Variants in CUBN observed in about 807,000 individuals in gnomAD.
CUBN encodes the protein cubilin.
Under a neutral mutation model 405.3 loss-of-function variants are expected in CUBN, and 282 were observed. The ratio of observed to expected loss-of-function variants is 0.70; its 90% CI spans 0.63 to 0.77. The LOEUF is 0.77. Ranked by LOEUF, CUBN falls within the 30% of genes least tolerant of loss-of-function variation. The pLI is 0.00. For synonymous variants in CUBN, 1,684 were observed against 1,617.0 expected (o/e 1.04, Z -0.99); for missense variants, 4,514 against 4,475.2 (o/e 1.01, Z -0.25).
intron 31 of CUBN, among the ~76,000 whole-genome samples, chr10:16,962,392 A>G (rs1843252536): frequency 6.6e-6 from 1 of 150,818 alleles, no homozygotes; most frequent in African/African-American, 2.4e-5. Context: ...GTCCAGAAAT[A>G]TGGGTAGGTA....
chr10:17,035,140 T>A (rs937712038), intron 27 of CUBN, among the ~76,000 whole-genome samples: 1 of 150,344 alleles, frequency 6.7e-6, no homozygotes, highest in African/African-American at 2.4e-5. Context: ...TCTAGAAAAT[T>A]GGCAAATTCT....
At chr10:16,908,286 T>C (rs1386473749) in intron 48 of CUBN, among the ~76,000 whole-genome samples, 2 of 151,892 alleles carry the variant, frequency 1.3e-5, no homozygotes, top group Non-Finnish European at 2.9e-5. Flanking sequence ...GCTGAGATTA[T>C]AGGCATGCAC....
At chr10:16,825,376 G>A (rs1171679401) in intron 66 of CUBN, among the ~76,000 whole-genome samples, 2 of 152,132 alleles carry the variant, frequency 1.3e-5, no homozygotes, top group Non-Finnish European at 2.9e-5. Flanking sequence ...TGGCCGCACA[G>A]CTCTGTGAAC....
intron 31 of CUBN, among the ~76,000 whole-genome samples, chr10:16,973,902 C>G (rs148121391): frequency 6.6e-6 from 1 of 152,314 alleles, no homozygotes; most frequent in African/African-American, 2.4e-5. Flanking sequence ...TGATGGGCAT[C>G]TAGGTTGATT....
chr10:17,040,918 A>G, intron 27 of CUBN, 115 bp downstream of exon 27: 1 of 934,604 alleles, frequency 1.1e-6, no homozygotes, highest in Non-Finnish European at 1.7e-6. Context: ...TTGGTGTGTT[A>G]TAGATGCGTG....
At chr10:16,864,657 CTTT>C (rs58100254) in intron 59 of CUBN, among the ~76,000 whole-genome samples, 1 of 121,448 alleles carries the variant, frequency 8.2e-6, no homozygotes, top group Admixed American at 1.1e-4. Flanking sequence ...TTTTTTCTTT[CTTT>C]TTTTTTTTTT....
Position 16,913,817 on chromosome 10 carries a change from A to G in CUBN, c.7527T>C (p.His2509=), listed in dbSNP as rs367600531. 4 of 1,613,416 alleles carry G rather than the reference A, an allele frequency of 2.5e-6. No homozygotes were observed. Among genetic ancestry groups the G allele is most frequent in the African/African-American group, 2.7e-5 (2 of 74,918 alleles). ...GGCGGCAGGGAACACTTACTATCAC[A>G]TGCTCATTGTTGCAGGACGGATGCG... ...LATHPSCNNE[H]VIVFNGIRSN... is the part of the protein sequence containing the mutation. The change falls in exon 48 of 67, where the codon CAT becomes CAC. Residue 2509 remains histidine (H), a synonymous_variant. Transcript: ENST00000377833.
Position 16,831,323 on chromosome 10 carries a change from T to C in CUBN, c.10457A>G (p.Tyr3486Cys). 2 of 1,613,646 alleles carry C rather than the reference T, an allele frequency of 1.2e-6. No individual in the cohort carries two copies. The highest frequency in any genetic ancestry group is 1.7e-6 in the Non-Finnish European group (2 of 1,179,550). Reference protein sequence around the residue: ...NPVFSQNNELYLRFKSDSVTS... With the variant: ...NPVFSQNNELCLRFKSDSVTS... ...TACACTATCACTCTTAAATCGTAGG[T>C]ATAGTTCATTATTTTGAGAGAAGAC... Residue 3486 changes from tyrosine to cysteine, a missense_variant, in exon 65 of 67, where the codon TAC becomes TGC. Coordinates refer to ENST00000377833, the MANE Select transcript of CUBN (RefSeq NM_001081.4).
At chr10:17,099,009 C>T (rs1554819093) in intron 14 of CUBN, among the ~76,000 whole-genome samples, 1 of 152,056 alleles carries the variant, frequency 6.6e-6, no homozygotes, top group Non-Finnish European at 1.5e-5. Context: ...CAATGTAATT[C>T]CCATAAAATT....
At chr10:17,056,603 C>T (rs899532433) in intron 22 of CUBN, among the ~76,000 whole-genome samples, 151 of 151,270 alleles carry the variant, frequency 1.0e-3, no homozygotes, top group African/African-American at 3.5e-3. Flanking sequence ...AGTGAGACTC[C>T]GTCTCAAAAA....
At chr10:17,009,407 A>T (rs1438346337) in intron 28 of CUBN, among the ~76,000 whole-genome samples, 1 of 152,210 alleles carries the variant, frequency 6.6e-6, no homozygotes, top group East Asian at 1.9e-4. Context: ...TTCCCAACAT[A>T]AAACTCAGAG....
At chr10:16,970,545 C>T (rs1344207422) in intron 31 of CUBN, among the ~76,000 whole-genome samples, 2 of 140,662 alleles carry the variant, frequency 1.4e-5, no homozygotes, top group Non-Finnish European at 3.0e-5. Flanking sequence ...CTTTGCACTC[C>T]AGCCTGGGCA....
chr10:16,925,675 A>G lies in CUBN; in HGVS notation c.6371T>C (p.Val2124Ala). Residue 2124 changes from valine to alanine, a missense_variant, in exon 42 of 67, where the codon GTC (valine) becomes GCC (alanine). Val to Ala is a moderately conservative substitution (Grantham distance 64, BLOSUM62 0). Transcript: ENST00000377833. ...GACAGCAATGGTCAGGCCACTTTGGACCAGGACGTGCCAAGAACAGTTGAG... is the reference window on the plus strand; with the variant it reads ...GACAGCAATGGTCAGGCCACTTTGGGCCAGGACGTGCCAAGAACAGTTGAG... ...SNLNCSWHVLVQSGLTIAVHF... is the reference protein window; with the variant it reads ...SNLNCSWHVLAQSGLTIAVHF... 1 of 1,614,050 alleles carries G rather than the reference A, an allele frequency of 6.2e-7. No homozygotes were observed. Among genetic ancestry groups the G allele is most frequent in the Non-Finnish European group, 8.5e-7 (1 of 1,179,972 alleles).
At chr10:17,016,934 A>G (rs1196247879) in intron 28 of CUBN, among the ~76,000 whole-genome samples, 1 of 152,200 alleles carries the variant, frequency 6.6e-6, no homozygotes, top group Non-Finnish European at 1.5e-5. Context: ...GAAAAGGCCA[A>G]GCTGCAGGAT....
In CUBN at chr10:16,933,072, T is replaced by C; in HGVS notation, c.6124+15A>G. 6.2e-7 allele frequency: 1 copy of C among 1,612,590 alleles called. No homozygotes were observed. The highest frequency in any genetic ancestry group is 8.5e-7 in the Non-Finnish European group (1 of 1,178,708). ...TGTCAGGGTTGAAACTCAGCATTCT[T>C]TATAATGTTCTCACCATCTCGTATC... On this transcript the variant is annotated intron_variant, in intron 40 of 66. Coordinates refer to ENST00000377833, the MANE Select transcript of CUBN (RefSeq NM_001081.4).
At chr10:16,831,548 G>C in intron 64 of CUBN, 131 bp from the exon 65 acceptor site, 2 of 816,088 alleles carry the variant, frequency 2.5e-6, no homozygotes, top group African/African-American at 1.7e-5. Flanking sequence ...AGAATGAAGC[G>C]TTTTCTGAAA....
intron 54 of CUBN, among the ~76,000 whole-genome samples, chr10:16,896,002 T>C (rs902513881): frequency 6.6e-6 from 1 of 152,192 alleles, no homozygotes; most frequent in African/African-American, 2.4e-5. Context: ...AGCGTTTTTC[T>C]GTACATTTCT....
intron 24 of CUBN, 26 bp from the exon 25 acceptor site, chr10:17,045,214 A>C (rs758728758): frequency 1.2e-6 from 2 of 1,609,592 alleles, no homozygotes; most frequent in Admixed American, 1.7e-5. Flanking sequence ...GTGGAATGAC[A>C]CACACCCCTT....
chr10:16,899,264 T>A, intron 53 of CUBN, 81 bp from the exon 54 acceptor site: 1 of 1,036,724 alleles, frequency 9.6e-7, no homozygotes, highest in South Asian at 1.3e-5. Flanking sequence ...GAAGGAACAT[T>A]TCCAAATGTG....
Sources: gnomAD v4.1 joint callset for allele counts (sites outside exome capture counted in the v4.1 genomes callset) on GRCh38, gnomAD v4.1.1 for gene constraint, MANE v1.5 for transcripts, NCBI Gene and HGNC (gene_info 2026-07-23, HGNC 2026-07-21) for gene names.